PRRX1: variants seen among roughly 807,000 people sequenced by gnomAD.
The protein encoded by PRRX1 is paired related homeobox 1.
PRRX1 carries 8 observed loss-of-function variants against 24.0 expected under a neutral mutation model. The observed-to-expected ratio is 0.33, with a 90% CI of 0.20 to 0.60. PRRX1 has a LOEUF of 0.60. Among genes scored for constraint, PRRX1 ranks in the 20% least tolerant of loss-of-function variants. The pLI is 0.82. For synonymous variants in PRRX1, 160 were observed against 131.7 expected (o/e 1.22, Z -1.47); for missense variants, 281 against 322.4 (o/e 0.87, Z 0.98).
chr1:170,691,328 A>T (rs1653938829), intron 1 of PRRX1, among the ~76,000 whole-genome samples: 1 of 152,152 alleles, frequency 6.6e-6, no homozygotes, highest in Non-Finnish European at 1.5e-5. Context: ...GGATTTAATC[A>T]GATCAAACTT....
chr1:170,736,024 C>T (rs761910423), intron 3 of PRRX1, 24 bp from the exon 4 acceptor site: 2 of 1,613,594 alleles, frequency 1.2e-6, no homozygotes, highest in African/African-American at 1.3e-5. Flanking sequence ...GTTATTCTCC[C>T]TGCTCTCTCC....
chr1:170,714,597 A>G (rs1654848273), intron 1 of PRRX1, among the ~76,000 whole-genome samples: 1 of 152,214 alleles, frequency 6.6e-6, no homozygotes, highest in African/African-American at 2.4e-5. Context: ...TGGCTGACCA[A>G]TGATTTGGAA....
intron 1 of PRRX1, among the ~76,000 whole-genome samples, chr1:170,696,984 C>A (rs1376636173): frequency 2.0e-5 from 3 of 152,132 alleles, no homozygotes; most frequent in Non-Finnish European, 4.4e-5. Flanking sequence ...TGGAGGAGGT[C>A]ATCTACAAGC....
intron 1 of PRRX1, among the ~76,000 whole-genome samples, chr1:170,693,950 C>T (rs1171364793): frequency 6.6e-6 from 1 of 151,970 alleles, no homozygotes; most frequent in Admixed American, 6.6e-5. Flanking sequence ...TATTTTATTA[C>T]TAGTTTTTTT....
intron 1 of PRRX1, among the ~76,000 whole-genome samples, chr1:170,676,972 A>T (rs1394831854): frequency 6.6e-6 from 1 of 152,198 alleles, no homozygotes; most frequent in Non-Finnish European, 1.5e-5. Context: ...GTTTGTGAAA[A>T]TATTTGAGAA....
intron 1 of PRRX1, chr1:170,669,305 A>G (rs1653058102): frequency 6.6e-6 from 1 of 151,770 alleles, no homozygotes; most frequent in Non-Finnish European, 1.5e-5. Context: ...GCAGACAGCA[A>G]TGGGTCACAC....
intron 1 of PRRX1, among the ~76,000 whole-genome samples, chr1:170,700,743 T>C (rs1654326435): frequency 6.6e-6 from 1 of 152,176 alleles, no homozygotes; most frequent in Admixed American, 6.6e-5. Context: ...ATCACCCACT[T>C]TGCTGCTGAA....
At chr1:170,667,305 C>G (rs1292752814) in intron 1 of PRRX1, 1 of 124,226 alleles carries the variant, frequency 8.0e-6, no homozygotes, top group Non-Finnish European at 1.6e-5. Context: ...CACGCGCGCG[C>G]GCGCGCACAC....
chr1:170,716,548 C>A (rs1387162652), intron 1 of PRRX1, among the ~76,000 whole-genome samples: 4 of 150,264 alleles, frequency 2.7e-5, no homozygotes, highest in Non-Finnish European at 4.4e-5. Flanking sequence ...CGCGCCACTG[C>A]ACTCCAGCCT....
In PRRX1 at chr1:170,664,191, G is replaced by C. The variant is rs763794426; in HGVS notation, c.-28G>C. The C allele has an allele frequency of 1.9e-6, 3 of 1,599,274 alleles. No homozygotes were observed. Among genetic ancestry groups the C allele is most frequent in the East Asian group, 2.3e-5 (1 of 44,420 alleles). ...TGGTGTTGATTCGAGCGGGAAGAGG[G>C]GGGTGGGTGGGATCGGTGGGGGAGA... On this transcript the variant is annotated 5_prime_UTR_variant, in exon 1 of 4. Transcript: ENST00000239461.
intron 1 of PRRX1, chr1:170,667,978 C>G (rs141338280): frequency 6.6e-6 from 1 of 151,866 alleles, no homozygotes; most frequent in East Asian, 1.9e-4. Context: ...ACCCTCCCCA[C>G]CCCACTCACC....
At chr1:170,707,572 C>T (rs1445577315) in intron 1 of PRRX1, among the ~76,000 whole-genome samples, 1 of 152,140 alleles carries the variant, frequency 6.6e-6, no homozygotes, top group East Asian at 1.9e-4. Context: ...TATATGTTTT[C>T]TATAAGAATC....
intron 1 of PRRX1, among the ~76,000 whole-genome samples, chr1:170,716,143 C>T (rs1654899416): frequency 6.6e-6 from 1 of 152,134 alleles, no homozygotes. Context: ...CTCATGATCC[C>T]AGCAAGACTA....
At chr1:170,702,899 T>A (rs904459430) in intron 1 of PRRX1, among the ~76,000 whole-genome samples, 1 of 152,212 alleles carries the variant, frequency 6.6e-6, no homozygotes, top group Non-Finnish European at 1.5e-5. Flanking sequence ...TTGCTCTCAT[T>A]GGCTTCGTGC....
chr1:170,705,186 A>T (rs1268283754), intron 1 of PRRX1, among the ~76,000 whole-genome samples: 1 of 152,084 alleles, frequency 6.6e-6, no homozygotes, highest in Non-Finnish European at 1.5e-5. Flanking sequence ...TTAAGACCTC[A>T]TTTATATAGC....
At chr1:170,710,954 C>T (rs891254522) in intron 1 of PRRX1, among the ~76,000 whole-genome samples, 7 of 152,152 alleles carry the variant, frequency 4.6e-5, no homozygotes, top group Admixed American at 2.6e-4. Context: ...AAGCCAACAA[C>T]CCATTTTACA....
intron 1 of PRRX1, among the ~76,000 whole-genome samples, chr1:170,715,509 G>T (rs1654879668): frequency 6.6e-6 from 1 of 152,046 alleles, no homozygotes; most frequent in African/African-American, 2.4e-5. Flanking sequence ...AATATGAATT[G>T]GTGCTATCAG....
At chr1:170,692,106 CCA>C (rs1654003649) in intron 1 of PRRX1, among the ~76,000 whole-genome samples, 1 of 151,960 alleles carries the variant, frequency 6.6e-6, no homozygotes, top group African/African-American at 2.4e-5. Flanking sequence ...GAAAGTCATG[CCA>C]TGAGAGAGGA....
intron 1 of PRRX1, among the ~76,000 whole-genome samples, chr1:170,682,946 G>A (rs1372590995): frequency 6.6e-6 from 1 of 152,236 alleles, no homozygotes; most frequent in Non-Finnish European, 1.5e-5. Context: ...CCCTGAGGCA[G>A]GAACAAGCTT....
Sources: gnomAD v4.1 joint callset for allele counts (sites outside exome capture counted in the v4.1 genomes callset) on GRCh38, gnomAD v4.1.1 for gene constraint, MANE v1.5 for transcripts, NCBI Gene and HGNC (gene_info 2026-07-23, HGNC 2026-07-21) for gene names.